AHR: variants seen among roughly 807,000 people sequenced by gnomAD.
AHR encodes AH-receptor.
A neutral mutation model predicts 86.8 loss-of-function variants in AHR; 40 were observed. That is an observed-to-expected ratio of 0.46 (90% confidence interval 0.36 to 0.60). The LOEUF (loss-of-function observed/expected upper bound fraction) is 0.60. AHR is among the 20% of genes least tolerant of loss of function. The pLI, the probability that AHR is intolerant of heterozygous loss-of-function variation, is 0.00. For synonymous variants in AHR, 398 were observed against 354.9 expected (o/e 1.12, Z -1.37); for missense variants, 1,001 against 1,011.6 (o/e 0.99, Z 0.14).
intron 9 of AHR, among the ~76,000 whole-genome samples, chr7:17,336,931 A>C (rs1401393899): frequency 6.6e-6 from 1 of 151,806 alleles, no homozygotes; most frequent in Non-Finnish European, 1.5e-5. Context: ...TCTTCCTTCT[A>C]CTTTCTTTGG....
rs1302833036 is a variant in AHR at position 17,299,152 on chromosome 7, G to C, written c.-113G>C. The stretch of plus-strand genomic sequence containing the variant: ...TCCCGAGAGGACGCAGGTGGAGCGG[G>C]CGCGGCTTCGCGGAACCCGGCGCCG... On this transcript the variant is annotated 5_prime_UTR_variant, in exon 1 of 11. Transcript: ENST00000242057. 2.7e-5 allele frequency: 32 copies of C among 1,172,186 alleles called. No homozygotes were observed. The highest frequency in any genetic ancestry group is 3.4e-5 in the Non-Finnish European group (29 of 864,670). The allele number at this position is 1,172,186 out of a possible 1,614,324, so 72.6% of individuals were successfully genotyped here.
intron 1 of AHR, among the ~76,000 whole-genome samples, chr7:17,307,160 G>A (rs1301987343): frequency 6.6e-6 from 1 of 152,050 alleles, no homozygotes; most frequent in Admixed American, 6.6e-5. Context: ...GTACCACATG[G>A]AGGGATACCT....
intron 6 of AHR, among the ~76,000 whole-genome samples, 174 bp from the exon 7 acceptor site, chr7:17,333,738 A>C (rs113218747): frequency 6.6e-6 from 1 of 151,914 alleles, no homozygotes; most frequent in Non-Finnish European, 1.5e-5. Context: ...TTTGAGATAG[A>C]TTTAATGGGC....
At position 17,339,402 on chromosome 7, in the gene AHR, G is replaced by A; in HGVS notation, c.1577G>A (p.Gly526Asp). 1.2e-6 allele frequency: 2 copies of A among 1,614,172 alleles called. No individual in the cohort carries two copies. ...QPQDVNSFAG[G>D]HPGLFQDSKN... ...CAGGATGTGAACTCATTTGCTGGAGGTCACCCAGGGCTCTTTCAAGATAGT... is the reference window on the plus strand; with the variant it reads ...CAGGATGTGAACTCATTTGCTGGAGATCACCCAGGGCTCTTTCAAGATAGT... Residue 526 changes from glycine (G) to aspartate (D), a missense_variant, in exon 10 of 11, where the codon GGT becomes GAT. Physicochemically the swap from Gly to Asp is moderately conservative, Grantham distance 94. This residue lies in a region of AHR where 607 missense variants were observed against 543.1 expected (regional missense o/e 1.12). Transcript: ENST00000242057.
Position 17,334,037 on chromosome 7 carries a change from A to T in AHR, c.831A>T (p.Ile277=), listed in dbSNP as rs1430560581. The T allele has an allele frequency of 6.2e-7, 1 of 1,613,476 alleles. No individual in the cohort carries two copies. Among genetic ancestry groups the T allele is most frequent in the African/African-American group, 1.3e-5 (1 of 74,922 alleles). Residue 277 remains isoleucine (I), a synonymous_variant, in exon 7 of 11, where the codon ATA becomes ATT. Coordinates refer to ENST00000242057, the MANE Select transcript of AHR (RefSeq NM_001621.5). ...CTACTCCACTTCAGCCACCATCCAT[A>T]CTTGAAATCCGGACCAAAAATTTTA... ...AIATPLQPPS[I]LEIRTKNFIF...
chr7:17,300,544 A>T (rs1460868753), intron 1 of AHR, among the ~76,000 whole-genome samples: 2 of 152,198 alleles, frequency 1.3e-5, no homozygotes, highest in Non-Finnish European at 2.9e-5. Flanking sequence ...TATACTTATG[A>T]ATTGGCATTA....
intron 7 of AHR, 32 bp from the exon 8 acceptor site, chr7:17,334,855 A>G (rs760768902): frequency 4.8e-6 from 7 of 1,462,214 alleles, no homozygotes; most frequent in Non-Finnish European, 5.7e-6. Context: ...ATCTTAATCC[A>G]TTCTTATTTT....
intron 3 of AHR, among the ~76,000 whole-genome samples, chr7:17,323,549 T>C (rs1398614240): frequency 6.6e-6 from 1 of 152,166 alleles, no homozygotes; most frequent in African/African-American, 2.4e-5. Context: ...AGAATAAAGA[T>C]GTGTGCCATG....
At chr7:17,327,010 C>A (rs566877670) in intron 3 of AHR, among the ~76,000 whole-genome samples, 1 of 151,850 alleles carries the variant, frequency 6.6e-6, no homozygotes, top group South Asian at 2.1e-4. Context: ...TTGAATTATC[C>A]AGTAATAGGA....
chr7:17,316,388 G>T (rs1457097649), intron 2 of AHR, among the ~76,000 whole-genome samples: 1 of 152,168 alleles, frequency 6.6e-6, no homozygotes, highest in Non-Finnish European at 1.5e-5. Flanking sequence ...AGAAGCCAAA[G>T]CAGGAGGACT....
At position 17,335,733 on chromosome 7, in the gene AHR, G is replaced by T. The variant is rs1407499401; in HGVS notation, c.1107G>T (p.Leu369=). 2.5e-6 allele frequency: 4 copies of T among 1,612,744 alleles called. No individual in the cohort carries two copies. The highest frequency in any genetic ancestry group is 3.4e-6 in the Non-Finnish European group (4 of 1,179,310). Residue 369 remains leucine (L), a synonymous_variant, in exon 9 of 11, where the codon CTG becomes CTT. Coordinates refer to ENST00000242057, the MANE Select transcript of AHR (RefSeq NM_001621.5). The part of the protein sequence containing the change: ...RWTWVQSNAR[L]LYKNGRPDYI... ...CTTGGGTCCAGTCTAATGCACGCCT[G>T]CTTTATAAAAATGGAAGACCAGATT...
chr7:17,306,279 T>C (rs1470327629), intron 1 of AHR, among the ~76,000 whole-genome samples: 1 of 152,208 alleles, frequency 6.6e-6, no homozygotes, highest in East Asian at 1.9e-4. Flanking sequence ...TTAATTGTTC[T>C]GTATATCTTC....
chr7:17,319,240 A>G (rs1782146013), intron 2 of AHR, among the ~76,000 whole-genome samples: 1 of 152,088 alleles, frequency 6.6e-6, no homozygotes. Context: ...TCTGTCCTTG[A>G]TTGTCAGTGA....
At chr7:17,334,491 C>G (rs1782334313) in intron 7 of AHR, among the ~76,000 whole-genome samples, 1 of 152,090 alleles carries the variant, frequency 6.6e-6, no homozygotes, top group South Asian at 2.1e-4. Context: ...TATATCATAT[C>G]AAACATATCA....
rs553742094 is a variant in AHR at position 17,307,301 on chromosome 7, A to G, written c.66-2635A>G. Among the ~76,000 whole-genome samples the G allele has an allele frequency of 4.6e-5, 7 of 152,246 alleles. No individual in the cohort carries two copies. In the East Asian group the frequency reaches 1.2e-3, roughly 25 times the overall value. On this transcript the variant is annotated intron_variant, in intron 1 of 10. Coordinates refer to ENST00000242057, the MANE Select transcript of AHR (RefSeq NM_001621.5). ...AAGAGTGCAGGACTGGATTGTGTAC[A>G]CACTTTCTATTTCTGTGAAGTTGTT...
chr7:17,341,343 C>T (rs1242094358), intron 10 of AHR, among the ~76,000 whole-genome samples: 3 of 152,092 alleles, frequency 2.0e-5, no homozygotes, highest in African/African-American at 4.8e-5. Context: ...TATAGTCCGT[C>T]TCACAAAATT....
In AHR at chr7:17,343,219, T is replaced by G; in HGVS notation, c.*155T>G. 1.1e-6 allele frequency: 1 copy of G among 951,634 alleles called. No homozygotes were observed. The highest frequency in any genetic ancestry group is 1.6e-6 in the Non-Finnish European group (1 of 620,212). The allele number at this position is 951,634 out of a possible 1,614,324, so 58.9% of individuals were successfully genotyped here. On this transcript the variant is annotated 3_prime_UTR_variant, in exon 11 of 11. Transcript: ENST00000242057. ...TTCCAAACCAAATTTTAATTTTTGC[T>G]TTTAGAAAAGGGAGTTTAAAAATGG...
intron 2 of AHR, among the ~76,000 whole-genome samples, chr7:17,314,209 T>C (rs1048404649): frequency 3.9e-5 from 6 of 152,122 alleles, no homozygotes; most frequent in Admixed American, 6.6e-5. Context: ...GTCTTGCATT[T>C]GCAGCTGTCA....
chr7:17,329,964 C>T lies in AHR; in HGVS notation c.463C>T (p.His155Tyr). The change falls in exon 5 of 11, where the codon CAT becomes TAT. Residue 155 changes from histidine to tyrosine, a missense_variant. By Grantham distance (83) the His-to-Tyr change is moderately conservative. Coordinates refer to ENST00000242057, the MANE Select transcript of AHR (RefSeq NM_001621.5). Reference sequence around the variant, plus strand: ...CTTTTTTCTTTAGTCTGATGTCATACATCAGAGTGTATATGAACTTATCCA... The same window carrying T: ...CTTTTTTCTTTAGTCTGATGTCATATATCAGAGTGTATATGAACTTATCCA... ...YLGFQQSDVI[H>Y]QSVYELIHTE... 1 of 1,608,934 alleles carries T rather than the reference C, an allele frequency of 6.2e-7. No individual in the cohort carries two copies. Among genetic ancestry groups the T allele is most frequent in the Non-Finnish European group, 8.5e-7 (1 of 1,177,044 alleles).
Sources: allele counts gnomAD v4.1 joint callset (sites outside exome capture counted in the v4.1 genomes callset), GRCh38; gene constraint gnomAD v4.1.1; regional missense constraint gnomAD v4.1.1; transcripts MANE v1.5; gene names NCBI Gene and HGNC (gene_info 2026-07-23, HGNC 2026-07-21).